GRID1: variants seen among roughly 807,000 people sequenced by gnomAD.
GRID1 encodes the protein glutamate receptor ionotropic, delta-1.
A neutral mutation model predicts 98.0 loss-of-function variants in GRID1; 28 were observed. The observed-to-expected ratio is 0.29, with a 90% CI of 0.21 to 0.39. The LOEUF is 0.39. Among genes scored for constraint, GRID1 ranks in the 10% least tolerant of loss-of-function variants. The pLI, the probability that GRID1 is intolerant of heterozygous loss-of-function variation, is 1.00. For synonymous variants in GRID1, 553 were observed against 538.5 expected (o/e 1.03, Z -0.37); for missense variants, 1,111 against 1,340.5 (o/e 0.83, Z 2.67).
At chr10:85,955,247 C>T (rs946869388) in intron 4 of GRID1, among the ~76,000 whole-genome samples, 1 of 152,166 alleles carries the variant, frequency 6.6e-6, no homozygotes, top group Non-Finnish European at 1.5e-5. Flanking sequence ...TCTGCCCTTG[C>T]TCCAGAGTCC....
At chr10:85,795,738 C>G (rs1842520504) in intron 8 of GRID1, among the ~76,000 whole-genome samples, 1 of 152,184 alleles carries the variant, frequency 6.6e-6, no homozygotes, top group Admixed American at 6.6e-5. Flanking sequence ...TTGGCCAAGA[C>G]AGATTACAAA....
In GRID1 at chr10:86,010,430, A is replaced by G. The variant is rs112180352; in HGVS notation, c.727-94191T>C. On this transcript the variant is annotated intron_variant, in intron 4 of 15. Transcript: ENST00000327946. The stretch of plus-strand genomic sequence containing the variant: ...ATTACAAATCAAAGCGAGGGCTATG[A>G]AGGGCAGGCAGGGTGCCCAGGGACC... 3.9e-3 allele frequency among the ~76,000 whole-genome samples: 600 copies of G among 152,320 alleles called. 3 individuals are homozygous for G. The highest frequency in any genetic ancestry group is 0.013 in the African/African-American group (549 of 41,576).
chr10:85,944,537 C>T (rs542563027), intron 4 of GRID1, among the ~76,000 whole-genome samples: 19 of 152,108 alleles, frequency 1.2e-4, no homozygotes, highest in African/African-American at 4.3e-4. Flanking sequence ...CCCTAGAGTT[C>T]GACTTTGAGA....
chr10:86,317,923 T>G (rs1847921235), intron 2 of GRID1, among the ~76,000 whole-genome samples: 1 of 152,128 alleles, frequency 6.6e-6, no homozygotes, highest in Admixed American at 6.5e-5. Flanking sequence ...TAATTTTTTT[T>G]GTAAAGACAG....
intron 4 of GRID1, among the ~76,000 whole-genome samples, chr10:86,125,892 C>T (rs932407613): frequency 6.6e-6 from 1 of 152,158 alleles, no homozygotes; most frequent in Admixed American, 6.6e-5. Flanking sequence ...TATATAATAC[C>T]TATAACATAC....
intron 2 of GRID1, among the ~76,000 whole-genome samples, chr10:86,347,586 C>T (rs534493246): frequency 6.6e-6 from 1 of 152,214 alleles, no homozygotes; most frequent in Non-Finnish European, 1.5e-5. Context: ...CAGCCTGCAA[C>T]AGGCAGGAGG....
At chr10:86,264,121 G>A (rs1847065693) in intron 2 of GRID1, among the ~76,000 whole-genome samples, 1 of 152,074 alleles carries the variant, frequency 6.6e-6, no homozygotes. Flanking sequence ...CCCACAGAAG[G>A]TACTGCTGGG....
At chr10:86,063,522 T>C (rs1468191749) in intron 4 of GRID1, among the ~76,000 whole-genome samples, 2 of 152,222 alleles carry the variant, frequency 1.3e-5, no homozygotes, top group African/African-American at 4.8e-5. Context: ...CTCAGCATCA[T>C]GTTTCAGTAA....
intron 8 of GRID1, among the ~76,000 whole-genome samples, chr10:85,827,661 C>T (rs1196128779): frequency 6.6e-6 from 1 of 150,514 alleles, no homozygotes; most frequent in African/African-American, 2.4e-5. Context: ...ACCAAACAGA[C>T]TAAGCCAACA....
At chr10:86,193,008 G>C (rs1379269643) in intron 3 of GRID1, among the ~76,000 whole-genome samples, 1 of 152,050 alleles carries the variant, frequency 6.6e-6, no homozygotes, top group Non-Finnish European at 1.5e-5. Flanking sequence ...AGACAGAAGA[G>C]AAGGTGAGGC....
intron 8 of GRID1, among the ~76,000 whole-genome samples, chr10:85,786,027 GCACATACCACAGA>G (rs1348137258): frequency 6.6e-6 from 1 of 151,716 alleles, no homozygotes; most frequent in Non-Finnish European, 1.5e-5. Flanking sequence ...ACATACACAT[GCACATACCACAGA>G]CACATACACA....
chr10:85,683,609 C>A (rs1416228068), intron 12 of GRID1, among the ~76,000 whole-genome samples: 3 of 152,188 alleles, frequency 2.0e-5, no homozygotes, highest in Non-Finnish European at 4.4e-5. Flanking sequence ...ATCCTTGTAA[C>A]TTTAGCTTTT....
intron 12 of GRID1, among the ~76,000 whole-genome samples, chr10:85,714,413 TA>T (rs1295543016): frequency 1.3e-5 from 2 of 151,756 alleles, no homozygotes; most frequent in East Asian, 3.9e-4. Context: ...AGTTTTTTTT[TA>T]AAAAAAGAAA....
intron 5 of GRID1, 134 bp from the exon 6 acceptor site, chr10:85,869,314 C>T (rs1843254009): frequency 1.4e-6 from 1 of 707,412 alleles, no homozygotes. Flanking sequence ...CCAGGTCACA[C>T]AGTTCATTAG....
chr10:86,310,008 C>T (rs191448872), intron 2 of GRID1, among the ~76,000 whole-genome samples: 84 of 152,310 alleles, frequency 5.5e-4, no homozygotes, highest in Admixed American at 2.0e-3. Flanking sequence ...ATGTCCAAGC[C>T]GGCTGGCCTG....
chr10:86,024,813 C>A (rs565478080), intron 4 of GRID1, among the ~76,000 whole-genome samples: 2 of 152,294 alleles, frequency 1.3e-5, no homozygotes, highest in East Asian at 3.9e-4. Context: ...CTGCCTGCCC[C>A]TAGCCCAGGG....
rs151254018 is a variant in GRID1 at position 86,152,362 on chromosome 10, C to A, written c.521-13338G>T. On this transcript the variant is annotated intron_variant, in intron 3 of 15. Coordinates refer to ENST00000327946, the MANE Select transcript of GRID1 (RefSeq NM_017551.3). The stretch of plus-strand genomic sequence containing the variant: ...GAGGGATGCCAGAAAACCCTGAGAC[C>A]AGGGCCTAGGGCCCAGCCATGCCAA... Among the ~76,000 whole-genome samples, 548 of 152,298 alleles carry A rather than the reference C, an allele frequency of 3.6e-3. 2 individuals carry two copies. The highest frequency in any genetic ancestry group is 0.013 in the African/African-American group (523 of 41,562).
chr10:85,774,961 C>A (rs915136265), intron 8 of GRID1, among the ~76,000 whole-genome samples: 4 of 151,750 alleles, frequency 2.6e-5, no homozygotes, highest in African/African-American at 9.7e-5. Context: ...TTTGACCCAG[C>A]CATCCCATTA....
At chr10:85,743,307 C>T (rs1280202405) in intron 8 of GRID1, among the ~76,000 whole-genome samples, 2 of 152,078 alleles carry the variant, frequency 1.3e-5, no homozygotes, top group Non-Finnish European at 2.9e-5. Context: ...AAGACAGGTG[C>T]ATAAACTAGC....
Sources: allele counts gnomAD v4.1 joint callset (sites outside exome capture counted in the v4.1 genomes callset), GRCh38; gene constraint gnomAD v4.1.1; transcripts MANE v1.5; gene names NCBI Gene and HGNC (gene_info 2026-07-23, HGNC 2026-07-21).